Variants in CEMIP observed in about 807,000 individuals in gnomAD.
CEMIP encodes cell migration-inducing and hyaluronan-binding protein.
In CEMIP, 105 loss-of-function variants were observed where a neutral mutation model predicts 156.9. The ratio of observed to expected loss-of-function variants is 0.67; its 90% CI spans 0.57 to 0.79. The LOEUF (loss-of-function observed/expected upper bound fraction) is 0.79. Ranked by LOEUF, CEMIP falls within the 30% of genes least tolerant of loss-of-function variation. The pLI is 0.00. For synonymous variants in CEMIP, 676 were observed against 668.4 expected, an observed-to-expected ratio of 1.01 and a Z score of -0.17; for missense variants, 1,457 against 1,769.4, an observed-to-expected ratio of 0.82 and a Z score of 3.17.
intron 14 of CEMIP, among the ~76,000 whole-genome samples, chr15:80,911,801 C>A (rs150008179): frequency 6.6e-6 from 1 of 152,090 alleles, no homozygotes; most frequent in African/African-American, 2.4e-5. Context: ...AAGGGGGAAG[C>A]GGCACAAGAA....
At chr15:80,947,717 T>A (rs1901622721) in intron 29 of CEMIP, 1 of 153,832 alleles carries the variant, frequency 6.5e-6, no homozygotes, top group South Asian at 2.0e-4. Flanking sequence ...GCAATAATGA[T>A]AATGATCATT....
chr15:80,884,155 C>T lies in CEMIP; in HGVS notation c.618-20C>T, dbSNP rs1268482440. The T allele has an allele frequency of 6.2e-7, 1 of 1,613,868 alleles. No homozygotes were observed. The highest frequency in any genetic ancestry group is 1.3e-5 in the African/African-American group (1 of 75,054). On this transcript the variant is annotated intron_variant, in intron 6 of 29. Coordinates refer to ENST00000394685, the MANE Select transcript of CEMIP (RefSeq NM_001293298.2). ...GCTGCGGTCAAGACTATTCAGATCTCTTCTCTCTGCCCTTTTTAGGTTTGA... is the reference window on the plus strand; with the variant it reads ...GCTGCGGTCAAGACTATTCAGATCTTTTCTCTCTGCCCTTTTTAGGTTTGA...
intron 1 of CEMIP, among the ~76,000 whole-genome samples, chr15:80,872,485 A>G (rs1008595522): frequency 3.4e-5 from 5 of 146,924 alleles, no homozygotes; most frequent in African/African-American, 1.4e-4. Context: ...TATATGAGTA[A>G]AAGGAAACAA....
At chr15:80,826,059 A>G (rs780657393) in intron 1 of CEMIP, among the ~76,000 whole-genome samples, 9 of 152,240 alleles carry the variant, frequency 5.9e-5, no homozygotes, top group Non-Finnish European at 1.0e-4. Context: ...TCTTCTGTGC[A>G]ACTCCATCCA....
chr15:80,881,164 A>G lies in CEMIP; in HGVS notation c.617+28A>G, dbSNP rs750613723. The stretch of plus-strand genomic sequence containing the variant: ...AAGGTTTGCCTTCACTTAAACGTAT[A>G]CTCATTCATTCAAAGTACACTTATT... On this transcript the variant is annotated intron_variant, in intron 6 of 29. Transcript: ENST00000394685. The G allele has an allele frequency of 1.9e-5, 30 of 1,580,518 alleles. No individual in the cohort carries two copies. In the Middle Eastern group the frequency reaches 6.7e-4, roughly 35 times the overall value.
intron 23 of CEMIP, among the ~76,000 whole-genome samples, chr15:80,934,516 G>A (rs963116671): frequency 2.6e-5 from 4 of 152,196 alleles, no homozygotes; most frequent in Non-Finnish European, 4.4e-5. Flanking sequence ...AAAATGAATT[G>A]TCAGGTTCAC....
In CEMIP at chr15:80,876,923, G is replaced by A. The variant is rs949093432; in HGVS notation, c.95-1798G>A. ...TCATGCTGCTGATAAAGACATACCC[G>A]CGGCTGGATAATTTGTAAAGAGAAA... On this transcript the variant is annotated intron_variant, in intron 3 of 29. Coordinates refer to ENST00000394685, the MANE Select transcript of CEMIP (RefSeq NM_001293298.2). Among the ~76,000 whole-genome samples, 9 of 152,108 alleles carry A rather than the reference G, an allele frequency of 5.9e-5. No individual in the cohort carries two copies. The South Asian group carries it at 1.0e-3, about 18-fold the overall frequency.
chr15:80,881,016 A>G lies in CEMIP; in HGVS notation c.497A>G (p.Lys166Arg), dbSNP rs1419739346. 1 of 1,614,256 alleles carries G rather than the reference A, an allele frequency of 6.2e-7. No individual in the cohort carries two copies. The highest frequency in any genetic ancestry group is 2.2e-5 in the East Asian group (1 of 44,892). Residue 166 changes from lysine (K) to arginine (R), a missense_variant, in exon 6 of 30, where the codon AAG (lysine) becomes AGG (arginine). Physicochemically the swap from Lys to Arg is conservative, Grantham distance 26 (BLOSUM62 2). This residue lies in a region of CEMIP where 309 missense variants were observed against 340.8 expected (regional missense o/e 0.91). Transcript: ENST00000394685. ...QKKLSWTFLN[K>R]TLHPGGMAEG... ...AAGCTCTCCTGGACATTTCTGAACA[A>G]GACCCTTCACCCAGGTGGCATGGCA...
chr15:80,793,258 C>T (rs1486698511), intron 1 of CEMIP, among the ~76,000 whole-genome samples: 2 of 152,180 alleles, frequency 1.3e-5, no homozygotes, highest in Non-Finnish European at 2.9e-5. Flanking sequence ...CGTCTTTCCC[C>T]CTTCTGCTCT....
At chr15:80,806,369 C>T (rs1896514380) in intron 1 of CEMIP, among the ~76,000 whole-genome samples, 1 of 152,152 alleles carries the variant, frequency 6.6e-6, no homozygotes, top group African/African-American at 2.4e-5. Flanking sequence ...GCCCTTGAGA[C>T]TATGTCCATA....
chr15:80,824,415 G>A (rs543294666), intron 1 of CEMIP, among the ~76,000 whole-genome samples: 79 of 152,294 alleles, frequency 5.2e-4, no homozygotes, highest in African/African-American at 1.8e-3. Flanking sequence ...CACCAGGGCA[G>A]TCCCCTCTGT....
In CEMIP at chr15:80,906,931, G is replaced by A. The variant is rs1169148861; in HGVS notation, c.1587+93G>A. 7.2e-7 allele frequency: 1 copy of A among 1,388,756 alleles called. No homozygotes were observed. Among genetic ancestry groups the A allele is most frequent in the Non-Finnish European group, 1.0e-6 (1 of 1,000,864 alleles). 86.0% of individuals were successfully genotyped at this position (1,388,756 alleles called of 1,614,324 possible). On this transcript the variant is annotated intron_variant, in intron 13 of 29. Coordinates refer to ENST00000394685, the MANE Select transcript of CEMIP (RefSeq NM_001293298.2). This position sits in a 1 kb window ranked among gnomAD's most constrained non-coding sequence, Gnocchi z 4.3. ...GGGCCTTCTTGGTAGGGATGAGGGTGGGGGAACAGGAGGTGGGATCAAGGG... is the reference window on the plus strand; with the variant it reads ...GGGCCTTCTTGGTAGGGATGAGGGTAGGGGAACAGGAGGTGGGATCAAGGG...
chr15:80,863,153 A>G (rs1321456046), intron 1 of CEMIP, among the ~76,000 whole-genome samples: 2 of 152,160 alleles, frequency 1.3e-5, no homozygotes, highest in African/African-American at 4.8e-5. Flanking sequence ...CAGGGAAAGT[A>G]CTCTTTTTTT....
Position 80,918,582 on chromosome 15 carries a change from G to A in CEMIP, c.1798-1512G>A, listed in dbSNP as rs538288957. 3.9e-5 allele frequency among the ~76,000 whole-genome samples: 6 copies of A among 152,308 alleles called. No individual in the cohort carries two copies. In the East Asian group the frequency reaches 1.2e-3, roughly 29 times the overall value. On this transcript the variant is annotated intron_variant, in intron 14 of 29. Coordinates refer to ENST00000394685, the MANE Select transcript of CEMIP (RefSeq NM_001293298.2). ...ATGTGGATTTTCCAGTGCTTGGCAT[G>A]GTGGCAGGTACTGAATAGGTGTGGG...
chr15:80,942,138 A>C, intron 26 of CEMIP, 85 bp downstream of exon 26: 1 of 1,497,152 alleles, frequency 6.7e-7, no homozygotes, highest in Non-Finnish European at 9.3e-7. Flanking sequence ...CCCAGACCCA[A>C]TTAGGTCCCT....
At chr15:80,844,118 G>A (rs1897496351) in intron 1 of CEMIP, among the ~76,000 whole-genome samples, 1 of 152,252 alleles carries the variant, frequency 6.6e-6, no homozygotes, top group African/African-American at 2.4e-5. Context: ...CTGCCACCCA[G>A]CCATCGCTCA....
At chr15:80,791,403 T>C (rs1206288264) in intron 1 of CEMIP, among the ~76,000 whole-genome samples, 1 of 152,160 alleles carries the variant, frequency 6.6e-6, no homozygotes. Flanking sequence ...TAGGGCTCAG[T>C]AAATACCCTT....
In CEMIP at chr15:80,878,832, C is replaced by T; in HGVS notation, c.206C>T (p.Ser69Phe). Residue 69 changes from serine to phenylalanine, a missense_variant, in exon 4 of 30, where the codon TCT (serine) becomes TTT (phenylalanine). Coordinates refer to ENST00000394685, the MANE Select transcript of CEMIP (RefSeq NM_001293298.2). ...GQGKTLLLTS[S>F]ATVYSIHISE... ...GGCAAGACACTGCTGCTCACCTCTT[C>T]TGCCACGGTCTATTCCATCCACATC... The T allele has an allele frequency of 6.2e-7, 1 of 1,614,214 alleles. No individual in the cohort carries two copies. Among genetic ancestry groups the T allele is most frequent in the Non-Finnish European group, 8.5e-7 (1 of 1,180,034 alleles).
intron 1 of CEMIP, among the ~76,000 whole-genome samples, chr15:80,806,954 C>T (rs185752631): frequency 2.6e-5 from 4 of 152,310 alleles, no homozygotes; most frequent in Admixed American, 2.6e-4. Flanking sequence ...TGTCTAAGTT[C>T]TGCTGCGTTT....
Sources: gnomAD v4.1 joint callset for allele counts (sites outside exome capture counted in the v4.1 genomes callset) on GRCh38, gnomAD v4.1.1 for gene constraint, gnomAD v4.1.1 regional missense constraint, Gnocchi (gnomAD v3.1) non-coding constraint, MANE v1.5 for transcripts, NCBI Gene and HGNC (gene_info 2026-07-23, HGNC 2026-07-21) for gene names.